Variants in VPS8 observed in about 807,000 individuals in gnomAD.
The protein encoded by VPS8 is vacuolar protein sorting-associated protein 8 homolog.
Under a neutral mutation model 216.4 loss-of-function variants are expected in VPS8, and 129 were observed. The ratio of observed to expected loss-of-function variants is 0.60; its 90% confidence interval spans 0.52 to 0.69. The LOEUF is 0.69. Among genes scored for constraint, VPS8 ranks in the 30% least tolerant of loss-of-function variants. The pLI, the probability that VPS8 is intolerant of heterozygous loss-of-function variation, is 0.00. For missense variants in VPS8, 1,531 were observed against 1,683.5 expected, an observed-to-expected ratio of 0.91 and a Z score of 1.59; for synonymous variants, 571 against 565.4, an observed-to-expected ratio of 1.01 and a Z score of -0.14.
chr3:185,045,226 G>T lies in VPS8; in HGVS notation c.4057-3253G>T, dbSNP rs538579660. Among the ~76,000 whole-genome samples the T allele has an allele frequency of 1.5e-4, 7 of 47,468 alleles. No homozygotes were observed. In the South Asian group the frequency reaches 6.1e-3, roughly 41 times the overall value. 31.1% of individuals were successfully genotyped at this position (47,468 alleles called of 152,430 possible). A position where few individuals can be genotyped will look rare whatever the true frequency, so the allele number is the denominator to read the frequency against. On this transcript the variant is annotated intron_variant, in intron 46 of 47. Transcript: ENST00000625842. ...CGCAAACTAGGTTTGATCTTCTCAT[G>T]TGTTAGTGTAGAAAGATAATTAGGA...
At chr3:184,856,743 G>A (rs962322884) in intron 14 of VPS8, among the ~76,000 whole-genome samples, 70 of 152,224 alleles carry the variant, frequency 4.6e-4, no homozygotes, top group African/African-American at 1.6e-3. Context: ...TGGCCTCAGT[G>A]CCTTTTACAT....
In VPS8 at chr3:184,971,663, C is replaced by A. The variant is rs374622808; in HGVS notation, c.3331C>A (p.Pro1111Thr). ...TCTAAATCTAGATACCAAAGAGGAT[C>A]CCTCATTGAAGGATGTTGAAGATAC... Reference protein sequence around the residue: ...THQGENTKEDPSLKDVEDTMV... With the variant: ...THQGENTKEDTSLKDVEDTMV... The change falls in exon 40 of 48, where the codon CCC becomes ACC. Residue 1111 changes from proline to threonine, a missense_variant. By Grantham distance (38) the Pro-to-Thr change is conservative (BLOSUM62 -1). Coordinates refer to ENST00000625842, the MANE Select transcript of VPS8 (RefSeq NM_001009921.3). The A allele has an allele frequency of 1.1e-5, 18 of 1,611,312 alleles. No individual in the cohort carries two copies. The highest frequency in any genetic ancestry group is 1.7e-5 in the Admixed American group (1 of 59,876).
chr3:185,021,435 C>T (rs1362227416), intron 45 of VPS8, among the ~76,000 whole-genome samples: 2 of 152,156 alleles, frequency 1.3e-5, no homozygotes, highest in Non-Finnish European at 2.9e-5. Context: ...ACATCTAGTT[C>T]TTGGCTTGTT....
At chr3:184,957,048 C>G (rs1475817395) in intron 36 of VPS8, among the ~76,000 whole-genome samples, 1 of 152,128 alleles carries the variant, frequency 6.6e-6, no homozygotes, top group Non-Finnish European at 1.5e-5. Flanking sequence ...ACTTAGAGAT[C>G]AAAGTATTAG....
In VPS8 at chr3:184,926,647, G is replaced by A; in HGVS notation, c.2628G>A (p.Gln876=). 9 of 1,604,116 alleles carry A rather than the reference G, an allele frequency of 5.6e-6. No individual in the cohort carries two copies. The highest frequency in any genetic ancestry group is 7.7e-6 in the Non-Finnish European group (9 of 1,175,110). ...PDDDSRHSER[Q]QVLLELLQAG... is the part of the protein sequence containing the mutation. ...ATGACTCCCGACACTCTGAAAGACA[G>A]CAGGTATGAACTACTAGAACTCTTT... is the stretch of plus-strand genomic sequence containing the variant. Residue 876 remains glutamine, a synonymous_variant, in exon 31 of 48, where the codon CAG becomes CAA. Coordinates refer to ENST00000625842, the MANE Select transcript of VPS8 (RefSeq NM_001009921.3).
In VPS8 at chr3:184,886,223, T is replaced by G. The variant is rs148331203; in HGVS notation, c.1781+67T>G. The stretch of plus-strand genomic sequence containing the variant: ...AGGTAGCCTCTTATGTATAAGCCAT[T>G]GCTAAGAATTCTATGAATTTGACTG... On this transcript the variant is annotated intron_variant, in intron 22 of 47. Coordinates refer to ENST00000625842, the MANE Select transcript of VPS8 (RefSeq NM_001009921.3). 587 of 1,398,668 alleles carry G rather than the reference T, an allele frequency of 4.2e-4. 8 individuals are homozygous for G. The East Asian group carries it at 0.013, about 31-fold the overall frequency. The allele number at this position is 1,398,668 out of a possible 1,614,324, so 86.6% of individuals were successfully genotyped here. A position where few individuals can be genotyped will look rare whatever the true frequency, so the allele number is the denominator to read the frequency against.
intron 11 of VPS8, among the ~76,000 whole-genome samples, chr3:184,853,367 A>G (rs1162124534): frequency 6.6e-6 from 1 of 152,206 alleles, no homozygotes; most frequent in Non-Finnish European, 1.5e-5. Flanking sequence ...CTTGAGGATA[A>G]TTCTGGAATG....
chr3:184,989,468 G>C (rs547702619), intron 42 of VPS8, among the ~76,000 whole-genome samples: 1 of 151,250 alleles, frequency 6.6e-6, no homozygotes, highest in East Asian at 1.9e-4. Context: ...GGGTCTCACC[G>C]TGTTGCCCAA....
At chr3:184,860,466 C>CAT (rs1309486184) in intron 15 of VPS8, among the ~76,000 whole-genome samples, 1 of 70,518 alleles carries the variant, frequency 1.4e-5, no homozygotes, top group Non-Finnish European at 2.6e-5. Context: ...TATACACACA[C>CAT]ATACACACAC....
chr3:184,849,003 A>G (rs1213140157), intron 8 of VPS8, 68 bp from the exon 9 acceptor site: 14 of 1,558,062 alleles, frequency 9.0e-6, no homozygotes, highest in Non-Finnish European at 9.7e-6. Context: ...CTTTGAAAGC[A>G]TGCCTGTACT....
At chr3:184,938,014 A>G (rs1270406955) in intron 35 of VPS8, among the ~76,000 whole-genome samples, 1 of 152,234 alleles carries the variant, frequency 6.6e-6, no homozygotes, top group African/African-American at 2.4e-5. Flanking sequence ...TTTACAGAAA[A>G]TGAACTTCGG....
At chr3:184,967,746 A>G (rs1291784476) in intron 39 of VPS8, among the ~76,000 whole-genome samples, 3 of 151,910 alleles carry the variant, frequency 2.0e-5, no homozygotes, top group African/African-American at 7.3e-5. Flanking sequence ...CTGAGGCAGG[A>G]CAATTGCTTG....
chr3:185,032,083 G>A (rs1758252063), intron 46 of VPS8, among the ~76,000 whole-genome samples: 1 of 152,122 alleles, frequency 6.6e-6, no homozygotes, highest in Admixed American at 6.6e-5. Flanking sequence ...AGAATTGCTT[G>A]AACCCGGGAG....
intron 21 of VPS8, among the ~76,000 whole-genome samples, chr3:184,871,677 A>G (rs1316982972): frequency 2.6e-5 from 4 of 152,334 alleles, no homozygotes; most frequent in Admixed American, 6.5e-5. Context: ...GCACTGGGCA[A>G]TAGTAAAATT....
At chr3:184,908,719 A>T (rs1735937396) in intron 25 of VPS8, among the ~76,000 whole-genome samples, 1 of 152,180 alleles carries the variant, frequency 6.6e-6, no homozygotes, top group Admixed American at 6.5e-5. Context: ...AAGAATGAGG[A>T]TATGCTGGCA....
chr3:185,010,172 A>G (rs1754816270), intron 45 of VPS8, among the ~76,000 whole-genome samples: 2 of 152,202 alleles, frequency 1.3e-5, no homozygotes, highest in African/African-American at 4.8e-5. Flanking sequence ...AATTAACTTT[A>G]AACTAACTGC....
intron 14 of VPS8, among the ~76,000 whole-genome samples, chr3:184,856,355 T>A (rs1206318558): frequency 1.3e-5 from 2 of 152,230 alleles, no homozygotes; most frequent in African/African-American, 4.8e-5. Flanking sequence ...GTGATTAGTA[T>A]GGACTAGAGA....
chr3:184,977,861 A>G (rs955862543), intron 40 of VPS8, among the ~76,000 whole-genome samples: 9 of 142,636 alleles, frequency 6.3e-5, no homozygotes, highest in African/African-American at 7.7e-5. Context: ...CATCAGGAAT[A>G]TTAGCCTGAT....
chr3:185,050,646 A>G (rs933513645), intron 47 of VPS8, among the ~76,000 whole-genome samples: 7 of 152,246 alleles, frequency 4.6e-5, no homozygotes, highest in African/African-American at 1.7e-4. Context: ...AGGATGAGAA[A>G]TAACACACAT....
Sources: gnomAD v4.1 joint callset for allele counts (sites outside exome capture counted in the v4.1 genomes callset) on GRCh38, gnomAD v4.1.1 for gene constraint, MANE v1.5 for transcripts, NCBI Gene and HGNC (gene_info 2026-07-23, HGNC 2026-07-21) for gene names.